Variants in TMEM74 observed in about 807,000 individuals in gnomAD.
TMEM74 encodes the protein transmembrane protein 74.
In TMEM74, 13 loss-of-function variants were observed where a neutral mutation model predicts 18.1. The ratio of observed to expected loss-of-function variants is 0.72; its 90% CI spans 0.47 to 1.14. The LOEUF is 1.14. TMEM74 is among the 50% of genes most tolerant of loss of function. TMEM74 has a pLI of 0.00. For synonymous variants in TMEM74, 159 were observed against 146.6 expected (o/e 1.08, Z -0.61); for missense variants, 372 against 375.9 (o/e 0.99, Z 0.09).
chr8:108,776,903 T>C (rs187619787), downstream of TMEM74, among the ~76,000 whole-genome samples: 2 of 152,250 alleles, frequency 1.3e-5, no homozygotes, highest in East Asian at 1.9e-4. Flanking sequence ...CATCTGACAA[T>C]TGGGCCCAAT....
intron 1 of TMEM74, among the ~76,000 whole-genome samples, chr8:108,690,151 A>G (rs1308015937): frequency 1.3e-5 from 2 of 152,064 alleles, no homozygotes; most frequent in Admixed American, 6.6e-5. Context: ...GTCAAAATAG[A>G]TGATTTTAAA....
intron 2 of TMEM74, among the ~76,000 whole-genome samples, chr8:108,622,030 T>A (rs1021422129): frequency 6.6e-6 from 1 of 152,164 alleles, no homozygotes; most frequent in Non-Finnish European, 1.5e-5. Flanking sequence ...CACAACCAAA[T>A]TCTGCTCTTC....
chr8:108,716,530 A>C (rs547385643), intron 1 of TMEM74, among the ~76,000 whole-genome samples: 1 of 152,076 alleles, frequency 6.6e-6, no homozygotes, highest in East Asian at 1.9e-4. Context: ...CTGTACATCA[A>C]AGTTATTCAA....
At chr8:108,743,384 T>C (rs969589425) in intron 1 of TMEM74, among the ~76,000 whole-genome samples, 1 of 152,136 alleles carries the variant, frequency 6.6e-6, no homozygotes, top group Non-Finnish European at 1.5e-5. Flanking sequence ...AAAACAACTT[T>C]GTGAAATACT....
At chr8:108,722,545 G>C (rs2935790) in intron 1 of TMEM74, among the ~76,000 whole-genome samples, 117,139 of 152,090 alleles carry the variant, frequency 0.77, 46,213 homozygotes, top group African/African-American at 0.94. Context: ...AGTTTTGGCT[G>C]TGTGATCTTG....
chr8:108,726,480 C>T (rs759924331), intron 1 of TMEM74, among the ~76,000 whole-genome samples: 4 of 152,106 alleles, frequency 2.6e-5, no homozygotes, highest in Non-Finnish European at 5.9e-5. Flanking sequence ...TTTGATATAG[C>T]ATTTTTGAAA....
chr8:108,729,328 T>G (rs1240177186), intron 1 of TMEM74, among the ~76,000 whole-genome samples: 1 of 152,212 alleles, frequency 6.6e-6, no homozygotes, highest in Non-Finnish European at 1.5e-5. Flanking sequence ...ATTGGTCAAG[T>G]CCCTCTTATA....
At chr8:108,713,771 G>A (rs1478031961) in intron 1 of TMEM74, among the ~76,000 whole-genome samples, 1 of 152,210 alleles carries the variant, frequency 6.6e-6, no homozygotes, top group Non-Finnish European at 1.5e-5. Context: ...AGGCTGAGAA[G>A]TTGCAGGACA....
downstream of TMEM74, among the ~76,000 whole-genome samples, chr8:108,774,655 A>T (rs1814208389): frequency 6.6e-6 from 1 of 152,216 alleles, no homozygotes; most frequent in South Asian, 2.1e-4. Context: ...GAACTGGGAA[A>T]TGCAACCCTT....
At chr8:108,774,181 T>C (rs1229115638), downstream of TMEM74, among the ~76,000 whole-genome samples, 2 of 152,222 alleles carry the variant, frequency 1.3e-5, no homozygotes, top group African/African-American at 4.8e-5. Context: ...TCATACCTTG[T>C]GGAACAGACT....
At chr8:108,616,629 A>T (rs545430054) in intron 2 of TMEM74, among the ~76,000 whole-genome samples, 9 of 152,232 alleles carry the variant, frequency 5.9e-5, no homozygotes, top group Non-Finnish European at 1.0e-4. Flanking sequence ...ACTTAACAAG[A>T]TCTTTACCGT....
At chr8:108,665,412 G>C (rs1236928679) in intron 1 of TMEM74, among the ~76,000 whole-genome samples, 1 of 152,110 alleles carries the variant, frequency 6.6e-6, no homozygotes, top group Non-Finnish European at 1.5e-5. Context: ...GGGAGAAAGA[G>C]TAGCAGGAAG....
intron 1 of TMEM74, among the ~76,000 whole-genome samples, chr8:108,699,924 G>C (rs1036836156): frequency 1.3e-5 from 2 of 152,204 alleles, no homozygotes; most frequent in Admixed American, 6.5e-5. Flanking sequence ...GTGAGGTAAA[G>C]TGAAAATAAT....
intron 2 of TMEM74, among the ~76,000 whole-genome samples, chr8:108,650,410 A>G (rs962998709): frequency 6.6e-6 from 1 of 152,162 alleles, no homozygotes; most frequent in Admixed American, 6.6e-5. Context: ...TTCTGTCCCA[A>G]ACTATCTATT....
rs1814288770 is a variant in TMEM74, at chr8:108,780,325, A to G, written c.*3856T>C. 6.6e-6 allele frequency among the ~76,000 whole-genome samples: 1 copy of G among 152,188 alleles called. No individual in the cohort carries two copies. The highest frequency in any genetic ancestry group is 2.4e-5 in the African/African-American group (1 of 41,450). ...ACAATTAATCCAAGTAAAATTTTGC[A>G]TACACCTATCATTGCACACGTGAAA... On this transcript the variant is annotated 3_prime_UTR_variant, in exon 2 of 2. Coordinates refer to ENST00000297459, the MANE Select transcript of TMEM74 (RefSeq NM_153015.3).
intron 1 of TMEM74, among the ~76,000 whole-genome samples, chr8:108,658,104 C>T (rs1812864064): frequency 6.6e-6 from 1 of 151,368 alleles, no homozygotes; most frequent in East Asian, 2.0e-4. Context: ...TTCCTGGTGG[C>T]TGCTGGCCAT....
rs1293266502 is a variant in TMEM74 at position 108,784,238 on chromosome 8, A to C, written c.861T>G (p.Asn287Lys). ...CCAAGGACAGTTCCAGAGTGTTTTC[A>C]TTCGTGCTGGTTTTCATCCTGAAGT... ...SFNFRMKTST[N>K]ENTLELSLVE... Residue 287 changes from asparagine (N) to lysine (K), a missense_variant, in exon 2 of 2, where the codon AAT becomes AAG. Coordinates refer to ENST00000297459, the MANE Select transcript of TMEM74 (RefSeq NM_153015.3). The C allele has an allele frequency of 3.1e-6, 5 of 1,614,188 alleles. No homozygotes were observed. In the South Asian group the frequency reaches 5.5e-5, roughly 18 times the overall value.
chr8:108,772,208 T>C (rs916680404), intron 1 of TMEM74, among the ~76,000 whole-genome samples: 1 of 152,198 alleles, frequency 6.6e-6, no homozygotes, highest in Non-Finnish European at 1.5e-5. Context: ...CTTTGGGTCA[T>C]GTTTTCTAAC....
At chr8:108,612,962 C>G (rs545528711) in intron 2 of TMEM74, among the ~76,000 whole-genome samples, 1 of 152,294 alleles carries the variant, frequency 6.6e-6, no homozygotes, top group South Asian at 2.1e-4. Flanking sequence ...ATCTCAAAAT[C>G]TTGCCACTTC....
Sources: allele counts gnomAD v4.1 joint callset (sites outside exome capture counted in the v4.1 genomes callset), GRCh38; gene constraint gnomAD v4.1.1; transcripts MANE v1.5; gene names NCBI Gene and HGNC (gene_info 2026-07-23, HGNC 2026-07-21).